The following TMEM244 variants were observed in gnomAD, a reference collection of about 807,000 sequenced individuals.
TMEM244 encodes putative transmembrane protein 244.
TMEM244 carries 13 observed loss-of-function variants against 15.8 expected under a neutral mutation model. The ratio of observed to expected loss-of-function variants is 0.82; its 90% CI spans 0.53 to 1.30. TMEM244 has a LOEUF of 1.30. Among genes scored for constraint, TMEM244 ranks in the 50% most tolerant of loss-of-function variants. TMEM244 has a pLI of 0.00. For synonymous variants in TMEM244, 45 were observed against 48.7 expected (o/e 0.92, Z 0.32); for missense variants, 161 against 144.9 (o/e 1.11, Z -0.57).
At chr6:129,854,653 G>A (rs957118918) in intron 1 of TMEM244, among the ~76,000 whole-genome samples, 1 of 152,184 alleles carries the variant, frequency 6.6e-6, no homozygotes, top group Non-Finnish European at 1.5e-5. Flanking sequence ...GCTAGTCACT[G>A]AAAGAGGTAC....
At chr6:129,845,687 C>T (rs998201611) in intron 2 of TMEM244, 80 bp downstream of exon 2, 58 of 1,020,822 alleles carry the variant, frequency 5.7e-5, no homozygotes, top group Non-Finnish European at 8.4e-5. Flanking sequence ...TCCATAAAGA[C>T]ATATGAAATG....
In TMEM244 at chr6:129,831,969, A is replaced by T. The variant is rs186558076; in HGVS notation, c.320-583T>A. Reference sequence around the variant, plus strand: ...CAGTGATTGTTTGAGTTACTGAGGGAGGGTTTGTGTCTGTGGAAACTGATA... The same window carrying T: ...CAGTGATTGTTTGAGTTACTGAGGGTGGGTTTGTGTCTGTGGAAACTGATA... On this transcript the variant is annotated intron_variant, in intron 4 of 4. Transcript: ENST00000368143. Among the ~76,000 whole-genome samples the T allele has an allele frequency of 1.7e-3, 257 of 151,952 alleles. 1 individual carries two copies. The highest frequency in any genetic ancestry group is 5.8e-3 in the African/African-American group (240 of 41,442).
intron 1 of TMEM244, among the ~76,000 whole-genome samples, chr6:129,851,928 C>T (rs1049411864): frequency 6.6e-6 from 1 of 152,038 alleles, no homozygotes; most frequent in Non-Finnish European, 1.5e-5. Context: ...GGACATTTGG[C>T]TATTTAAACT....
chr6:129,835,955 C>T (rs1776399386), intron 3 of TMEM244, among the ~76,000 whole-genome samples: 1 of 152,210 alleles, frequency 6.6e-6, no homozygotes, highest in Non-Finnish European at 1.5e-5. Context: ...AGGCCTACTG[C>T]CTCTATAGAT....
rs566301329 is a variant in TMEM244, at chr6:129,858,770, G to A, written c.33+2386C>T. Among the ~76,000 whole-genome samples the A allele has an allele frequency of 1.9e-4, 29 of 151,454 alleles. No homozygotes were observed. The East Asian group carries it at 5.4e-3, about 28-fold the overall frequency. ...GGAAGGAAGGAAAGAAATAATGGAA[G>A]ACAAGACCACTATAGTAGGAACCAT... On this transcript the variant is annotated intron_variant, in intron 1 of 4. Coordinates refer to ENST00000368143, the MANE Select transcript of TMEM244 (RefSeq NM_001010876.2).
intron 1 of TMEM244, among the ~76,000 whole-genome samples, chr6:129,857,317 T>TAC (rs139849085): frequency 0.22 from 31,986 of 148,406 alleles, 3,374 homozygotes; most frequent in East Asian, 0.25. Context: ...TATGTGTGTA[T>TAC]ACACACACAC....
At chr6:129,837,092 C>T (rs1023444997) in intron 3 of TMEM244, among the ~76,000 whole-genome samples, 14 of 152,074 alleles carry the variant, frequency 9.2e-5, no homozygotes, top group African/African-American at 2.7e-4. Context: ...AGATACTCTT[C>T]GAGAAGAGCA....
At chr6:129,845,885 C>G (rs1776554838) in intron 1 of TMEM244, 33 bp from the exon 2 acceptor site, 1 of 1,451,414 alleles carries the variant, frequency 6.9e-7, no homozygotes, top group African/African-American at 1.4e-5. Context: ...GTCCAAGAGC[C>G]TGGGATTTTT....
At chr6:129,847,642 A>G (rs1291495499) in intron 1 of TMEM244, among the ~76,000 whole-genome samples, 1 of 151,962 alleles carries the variant, frequency 6.6e-6, no homozygotes, top group East Asian at 1.9e-4. Context: ...CTCCCACACC[A>G]TCCTCAACAC....
At position 129,831,367 on chromosome 6, in the gene TMEM244, C is replaced by T. The variant is rs773251352; in HGVS notation, c.339G>A (p.Leu113=). ...CTAAAGCAGCCCACCAATGTGATGTCAAGGGGAATTCCAACATAACTGCAA... is the reference window on the plus strand; with the variant it reads ...CTAAAGCAGCCCACCAATGTGATGTTAAGGGGAATTCCAACATAACTGCAA... ...ITSTVMLEFP[L]TSHWWAALGI... Residue 113 remains leucine (L), a synonymous_variant, in exon 5 of 5, where the codon TTG becomes TTA. Transcript: ENST00000368143. The T allele has an allele frequency of 6.3e-7, 1 of 1,581,414 alleles. No homozygotes were observed. The highest frequency in any genetic ancestry group is 1.1e-5 in the South Asian group (1 of 90,484).
At chr6:129,834,784 G>A (rs919819290) in intron 3 of TMEM244, among the ~76,000 whole-genome samples, 7 of 152,150 alleles carry the variant, frequency 4.6e-5, no homozygotes, top group Non-Finnish European at 7.3e-5. Context: ...ATCCAGGAAA[G>A]AACTGTCCTG....
At chr6:129,861,028 C>T (rs4305738) in intron 1 of TMEM244, 128 bp downstream of exon 1, 1 of 952,470 alleles carries the variant, frequency 1.0e-6, no homozygotes, top group South Asian at 1.6e-5. Flanking sequence ...AGAATGTTTT[C>T]TGTATGGTAC....
At position 129,845,778 on chromosome 6, in the gene TMEM244, G is replaced by T; in HGVS notation, c.108C>A (p.Cys36Ter). Residue 36 changes from cysteine to a stop codon, truncating the protein, a stop_gained, in exon 2 of 5, where the codon TGC becomes TGA. Transcript: ENST00000368143. LOFTEE classifies it high-confidence loss of function. ...AATGTGCTACTTACTCAAACATCAC[G>T]CAGCCCATGCTCAGGGACACATAGT... ...TVYYVSLSMG[C>*]VMFEVHELNV... 6.2e-7 allele frequency: 1 copy of T among 1,610,822 alleles called. No individual in the cohort carries two copies. Among genetic ancestry groups the T allele is most frequent in the South Asian group, 1.1e-5 (1 of 90,398 alleles).
intron 4 of TMEM244, among the ~76,000 whole-genome samples, chr6:129,831,996 T>C (rs2114630819): frequency 6.6e-6 from 1 of 152,136 alleles, no homozygotes; most frequent in South Asian, 2.1e-4. Context: ...AAACTGATAC[T>C]AGGTGATGAA....
intron 3 of TMEM244, among the ~76,000 whole-genome samples, chr6:129,840,555 C>T (rs1776475478): frequency 6.6e-6 from 1 of 152,126 alleles, no homozygotes; most frequent in African/African-American, 2.4e-5. Flanking sequence ...AAAGCAATGG[C>T]AACAAGAGCT....
chr6:129,855,945 CA>C (rs1484041175), intron 1 of TMEM244, among the ~76,000 whole-genome samples: 1 of 152,078 alleles, frequency 6.6e-6, no homozygotes, highest in Non-Finnish European at 1.5e-5. Flanking sequence ...TCATCTGAAT[CA>C]ATTATTTACA....
At chr6:129,849,107 T>C (rs1193814069) in intron 1 of TMEM244, among the ~76,000 whole-genome samples, 1 of 152,080 alleles carries the variant, frequency 6.6e-6, no homozygotes. Context: ...TTAATTAAAT[T>C]ATAATTTGCG....
intron 1 of TMEM244, among the ~76,000 whole-genome samples, chr6:129,860,693 A>C (rs1776796289): frequency 6.6e-6 from 1 of 152,042 alleles, no homozygotes; most frequent in Non-Finnish European, 1.5e-5. Context: ...AAACACAACT[A>C]TTAACACTAG....
chr6:129,837,366 G>A (rs893308988), intron 3 of TMEM244, among the ~76,000 whole-genome samples: 1 of 152,170 alleles, frequency 6.6e-6, no homozygotes, highest in African/African-American at 2.4e-5. Flanking sequence ...TTACAGAGAA[G>A]CAAATGCTGA....
Sources: gnomAD v4.1 joint callset for allele counts (sites outside exome capture counted in the v4.1 genomes callset) on GRCh38, gnomAD v4.1.1 for gene constraint, MANE v1.5 for transcripts, NCBI Gene and HGNC (gene_info 2026-07-23, HGNC 2026-07-21) for gene names.